Variants in KIAA1217 observed in about 807,000 individuals in gnomAD.
KIAA1217 encodes KIAA1217.
KIAA1217 carries 88 observed loss-of-function variants against 163.9 expected under a neutral mutation model. That is an observed-to-expected ratio of 0.54 (90% CI 0.45 to 0.64). KIAA1217 has a LOEUF of 0.64. KIAA1217 is among the 30% of genes least tolerant of loss of function. The pLI is 0.00. For missense variants in KIAA1217, 2,372 were observed against 2,475.0 expected, an observed-to-expected ratio of 0.96 and a Z score of 0.88; for synonymous variants, 903 against 923.1, an observed-to-expected ratio of 0.98 and a Z score of 0.39.
At chr10:24,159,010 T>C (rs1173902199) in intron 2 of KIAA1217, among the ~76,000 whole-genome samples, 5 of 152,214 alleles carry the variant, frequency 3.3e-5, no homozygotes, top group African/African-American at 1.2e-4. Flanking sequence ...AAATAGAATT[T>C]TGTGCTTTCT....
intron 1 of KIAA1217, among the ~76,000 whole-genome samples, chr10:23,708,985 T>C (rs1030197490): frequency 1.2e-4 from 18 of 152,146 alleles, no homozygotes; most frequent in African/African-American, 4.3e-4. Context: ...AAGGTGGCTA[T>C]GCCTAGGCTG....
intron 1 of KIAA1217, among the ~76,000 whole-genome samples, chr10:23,840,795 A>T (rs1838738245): frequency 1.3e-5 from 2 of 152,188 alleles, no homozygotes; most frequent in African/African-American, 4.8e-5. Flanking sequence ...AACTTGTGGA[A>T]ATGGTCATAA....
intron 2 of KIAA1217, among the ~76,000 whole-genome samples, chr10:24,112,377 A>G (rs2062882425): frequency 6.6e-6 from 1 of 152,204 alleles, no homozygotes; most frequent in African/African-American, 2.4e-5. Flanking sequence ...TTTCTGTGCG[A>G]ACAGGATGGC....
At chr10:23,730,769 T>G (rs1838429408) in intron 1 of KIAA1217, among the ~76,000 whole-genome samples, 1 of 146,980 alleles carries the variant, frequency 6.8e-6, no homozygotes, top group Admixed American at 6.8e-5. Flanking sequence ...AATGATAATG[T>G]GTTTTAATCT....
At chr10:23,697,095 A>G (rs1256191768) in intron 1 of KIAA1217, among the ~76,000 whole-genome samples, 1 of 152,192 alleles carries the variant, frequency 6.6e-6, no homozygotes, top group Non-Finnish European at 1.5e-5. Flanking sequence ...TCCGTTCTCT[A>G]TGAAATACGT....
chr10:23,873,438 G>A (rs1840551844), intron 1 of KIAA1217, among the ~76,000 whole-genome samples: 1 of 151,990 alleles, frequency 6.6e-6, no homozygotes, highest in African/African-American at 2.4e-5. Context: ...GCCAGATGAA[G>A]CATTACTCTG....
intron 6 of KIAA1217, among the ~76,000 whole-genome samples, chr10:24,493,834 C>G (rs2066444400): frequency 6.6e-6 from 1 of 152,134 alleles, no homozygotes; most frequent in African/African-American, 2.4e-5. Context: ...CTGGTGCAAT[C>G]TTGGTAGCAG....
chr10:23,934,601 A>G lies in KIAA1217; in HGVS notation c.-320-72624A>G, dbSNP rs1233193629. On this transcript the variant is annotated intron_variant, in intron 1 of 18. Coordinates refer to the KIAA1217 transcript ENST00000376462. The stretch of plus-strand genomic sequence containing the variant: ...TATATATATATATATGTATATATAT[A>G]TATATGTATATATATATATATATAT... Among the ~76,000 whole-genome samples, 201 of 80,500 alleles carry G rather than the reference A, an allele frequency of 2.5e-3. 17 individuals carry two copies. Among genetic ancestry groups the G allele is most frequent in the African/African-American group, 0.021 (158 of 7,596 alleles). 52.8% of individuals were successfully genotyped at this position (80,500 alleles called of 152,430 possible). A position where few individuals can be genotyped will look rare whatever the true frequency, so the allele number is the denominator to read the frequency against.
intron 1 of KIAA1217, among the ~76,000 whole-genome samples, chr10:23,963,857 T>C (rs1485771632): frequency 6.6e-6 from 1 of 152,080 alleles, no homozygotes; most frequent in Non-Finnish European, 1.5e-5. Context: ...TGCATTTCTC[T>C]AATGAACAGT....
chr10:24,177,181 T>A (rs553596148), intron 2 of KIAA1217, among the ~76,000 whole-genome samples: 1 of 147,338 alleles, frequency 6.8e-6, no homozygotes, highest in African/African-American at 2.5e-5. Context: ...TCCTCAAGCA[T>A]GACCAGAGTG....
intron 1 of KIAA1217, among the ~76,000 whole-genome samples, chr10:23,774,635 T>C (rs1425901399): frequency 1.3e-5 from 2 of 151,730 alleles, no homozygotes; most frequent in Admixed American, 6.6e-5. Context: ...CACAGGGAGG[T>C]GCAGTTCAGC....
At chr10:23,928,125 C>T (rs971347867) in intron 1 of KIAA1217, among the ~76,000 whole-genome samples, 3 of 152,194 alleles carry the variant, frequency 2.0e-5, no homozygotes, top group African/African-American at 7.2e-5. Context: ...AATCATCAAG[C>T]ATTTCAGTCC....
At chr10:23,729,087 A>T (rs541039178) in intron 1 of KIAA1217, among the ~76,000 whole-genome samples, 20 of 152,244 alleles carry the variant, frequency 1.3e-4, no homozygotes, top group African/African-American at 4.6e-4. Context: ...ATCTGCTCAC[A>T]TGCAGTTAAG....
intron 11 of KIAA1217, among the ~76,000 whole-genome samples, chr10:24,521,361 G>A (rs1003685267): frequency 2.0e-5 from 3 of 151,536 alleles, no homozygotes; most frequent in Non-Finnish European, 4.4e-5. Context: ...AATTAGCTGG[G>A]CATGGTGGTG....
chr10:23,787,679 C>G (rs1406642526), intron 1 of KIAA1217, among the ~76,000 whole-genome samples: 1 of 152,154 alleles, frequency 6.6e-6, no homozygotes, highest in East Asian at 1.9e-4. Context: ...CGCCACAATG[C>G]TCAAATTTCT....
At chr10:23,790,742 T>C (rs1835908555) in intron 1 of KIAA1217, among the ~76,000 whole-genome samples, 1 of 145,624 alleles carries the variant, frequency 6.9e-6, no homozygotes, top group African/African-American at 2.7e-5. Flanking sequence ...TATGTATGTA[T>C]GTAAAATCTG....
At chr10:24,139,473 C>A (rs1176528030) in intron 2 of KIAA1217, among the ~76,000 whole-genome samples, 1 of 151,626 alleles carries the variant, frequency 6.6e-6, no homozygotes, top group Non-Finnish European at 1.5e-5. Flanking sequence ...ATTATTATAC[C>A]TTTCTATTAT....
chr10:24,212,927 T>C (rs4417170), intron 1 of KIAA1217, among the ~76,000 whole-genome samples: 87,537 of 152,002 alleles, frequency 0.58, 25,417 homozygotes, highest in East Asian at 0.7. Context: ...TTTACCACTT[T>C]GGGACTTTGA....
intron 17 of KIAA1217, among the ~76,000 whole-genome samples, chr10:24,538,620 GAAAAAGAGAGGAAGGAAAAAGA>G (rs2074457056): frequency 1.4e-5 from 1 of 71,328 alleles, no homozygotes; most frequent in African/African-American, 7.8e-5. Context: ...AGAGAGGAAG[GAAAAAGAGAGGAAGGAAAAAGA>G]GAGGAAGGGA....
Sources: allele counts gnomAD v4.1 joint callset (sites outside exome capture counted in the v4.1 genomes callset), GRCh38; gene constraint gnomAD v4.1.1; transcripts MANE v1.5; gene names NCBI Gene and HGNC (gene_info 2026-07-23, HGNC 2026-07-21).